The following BSND variants were observed in gnomAD, a reference collection of about 807,000 sequenced individuals.
BSND encodes barttin CLCNK type accessory subunit beta.
BSND carries 13 observed loss-of-function variants against 18.8 expected under a neutral mutation model. That is an observed-to-expected ratio of 0.69 (90% CI 0.45 to 1.10). The LOEUF is 1.10. BSND is among the 50% of genes least tolerant of loss of function. The probability of loss-of-function intolerance (pLI) is 0.00; values close to 1 mark genes in which losing one functional copy is unlikely to be tolerated. For synonymous variants in BSND, 170 were observed against 161.8 expected (o/e 1.05, Z -0.39); for missense variants, 379 against 416.7 (o/e 0.91, Z 0.79).
rs1392299426 is a variant in BSND at position 55,008,906 on chromosome 1, C to T, written c.*278C>T. On this transcript the variant is annotated 3_prime_UTR_variant, in exon 4 of 4. Transcript: ENST00000651561. The stretch of plus-strand genomic sequence containing the variant: ...AGCCCTCAAAAGCATTTTCCACCTT[C>T]CCCCAAAGCTGACCTCTGAGAGGAA... The T allele has an allele frequency of 5.9e-6, 3 of 511,616 alleles. No homozygotes were observed. The East Asian group carries it at 1.1e-4, about 19-fold the overall frequency. The allele number at this position is 511,616 out of a possible 1,614,324, so 31.7% of individuals were successfully genotyped here. A position where few individuals can be genotyped will look rare whatever the true frequency, so the allele number is the denominator to read the frequency against.
chr1:55,015,616 A>C lies in BSND; in HGVS notation c.*6988A>C, dbSNP rs917467735. ...GGGTAAGGAGGGCTAGATTTTATCT[A>C]GTCATGTGTTCATTCATTTGTTCAC... is the stretch of plus-strand genomic sequence containing the variant. On this transcript the variant is annotated 3_prime_UTR_variant, in exon 4 of 4. Transcript: ENST00000651561. Among the ~76,000 whole-genome samples, 1 of 152,226 alleles carries C rather than the reference A, an allele frequency of 6.6e-6. No homozygotes were observed. Among genetic ancestry groups the C allele is most frequent in the African/African-American group, 2.4e-5 (1 of 41,454 alleles).
In BSND at chr1:55,008,969, T is replaced by C. The variant is rs74706722; in HGVS notation, c.*341T>C. Reference sequence around the variant, plus strand: ...CTCCCTCTGGGCCCCTGATCCTTTGTGAAGGCCAGTCAGGTTTCCCATTCC... The same window carrying C: ...CTCCCTCTGGGCCCCTGATCCTTTGCGAAGGCCAGTCAGGTTTCCCATTCC... On this transcript the variant is annotated 3_prime_UTR_variant, in exon 4 of 4. Transcript: ENST00000651561. 0.016 allele frequency: 6,232 copies of C among 398,678 alleles called. 289 individuals carry two copies. The highest frequency in any genetic ancestry group is 0.1 in the South Asian group (4,654 of 45,210). The allele number at this position is 398,678 out of a possible 1,614,324, so 24.7% of individuals were successfully genotyped here.
chr1:55,014,144 A>G lies in BSND; in HGVS notation c.*5516A>G, dbSNP rs916940470. ...GGACAGGGGCCTCTTCCCCGCCAAT[A>G]CTTCTATCCCCAGGACTTAGCAAAA... is the stretch of plus-strand genomic sequence containing the variant. On this transcript the variant is annotated 3_prime_UTR_variant, in exon 4 of 4. Coordinates refer to ENST00000651561, the MANE Select transcript of BSND (RefSeq NM_057176.3). Among the ~76,000 whole-genome samples, 5 of 152,144 alleles carry G rather than the reference A, an allele frequency of 3.3e-5. No homozygotes were observed. The highest frequency in any genetic ancestry group is 1.2e-4 in the African/African-American group (5 of 41,424).
chr1:55,009,115 A>T lies in BSND; in HGVS notation c.*487A>T. ...CATCGCTCCTTGGCCAGGACCCAAA[A>T]CCTTCTGTGACTGACCCCTGCTGAC... On this transcript the variant is annotated 3_prime_UTR_variant, in exon 4 of 4. Transcript: ENST00000651561. 5.0e-6 allele frequency: 1 copy of T among 198,464 alleles called. No homozygotes were observed. Among genetic ancestry groups the T allele is most frequent in the Non-Finnish European group, 1.0e-5 (1 of 96,690 alleles). 12.3% of individuals were successfully genotyped at this position (198,464 alleles called of 1,614,324 possible).
intron 1 of BSND, among the ~76,000 whole-genome samples, chr1:55,000,008 T>C (rs1198368144): frequency 6.6e-6 from 1 of 152,132 alleles, no homozygotes; most frequent in African/African-American, 2.4e-5. Context: ...GGTTTGGGAG[T>C]CCTGAGTTCT....
At chr1:55,001,788 G>T (rs888012339) in intron 1 of BSND, among the ~76,000 whole-genome samples, 2 of 152,062 alleles carry the variant, frequency 1.3e-5, no homozygotes, top group Non-Finnish European at 2.9e-5. Context: ...TGAGATAAGA[G>T]TTCACCAAGC....
In BSND at chr1:55,007,076, C is replaced by T. The variant is rs1267623393; in HGVS notation, c.352C>T (p.Gln118Ter). Residue 118 changes from glutamine to a stop codon, truncating the protein, a stop_gained, in exon 3 of 4, where the codon CAG becomes TAG. Transcript: ENST00000651561. LOFTEE classifies it high-confidence loss of function. ...GAGCCTGCCTGACTTCAGCCACATC[C>T]AGATGAAAGTCATGAGCTACAGTGA... ...DQSLPDFSHI[Q>*]MKVMSYSEDH... 1.2e-6 allele frequency: 2 copies of T among 1,614,076 alleles called. No individual in the cohort carries two copies. The highest frequency in any genetic ancestry group is 2.7e-5 in the African/African-American group (2 of 74,914).
intron 2 of BSND, among the ~76,000 whole-genome samples, chr1:55,005,394 G>A (rs1644384277): frequency 6.6e-6 from 1 of 152,210 alleles, no homozygotes; most frequent in African/African-American, 2.4e-5. Context: ...ATCATACAAT[G>A]AAATAAATGT....
chr1:54,999,995 A>G (rs572748468), intron 1 of BSND, among the ~76,000 whole-genome samples: 2 of 152,146 alleles, frequency 1.3e-5, no homozygotes, highest in Admixed American at 1.3e-4. Context: ...TGGGAAGAGC[A>G]CTGGTTTGGG....
At position 55,003,780 on chromosome 1, in the gene BSND, C is replaced by T. The variant is rs565390849; in HGVS notation, c.178-1242C>T. On this transcript the variant is annotated intron_variant, in intron 1 of 3. Coordinates refer to ENST00000651561, the MANE Select transcript of BSND (RefSeq NM_057176.3). ...TGCTGGGGACCATGCTGAGGGATTC[C>T]CTATATATGATCTCATGAAATTTTC... Among the ~76,000 whole-genome samples, 24 of 152,210 alleles carry T rather than the reference C, an allele frequency of 1.6e-4. No homozygotes were observed. The East Asian group carries it at 4.4e-3, about 28-fold the overall frequency.
rs1644434493 is a variant in BSND at position 55,013,645 on chromosome 1, TA to T, written c.*5019del. Among the ~76,000 whole-genome samples, 1 of 152,080 alleles carries T rather than the reference TA, an allele frequency of 6.6e-6. No homozygotes were observed. Among genetic ancestry groups the T allele is most frequent in the Non-Finnish European group, 1.5e-5 (1 of 68,008 alleles). On this transcript the variant is annotated 3_prime_UTR_variant, in exon 4 of 4. Coordinates refer to ENST00000651561, the MANE Select transcript of BSND (RefSeq NM_057176.3). The stretch of plus-strand genomic sequence containing the variant: ...GGGACAGGAGAAAAATCAGTATCAA[TA>T]AGTCAGGCAGCAAGGTTCCACTGAG...
At position 54,999,274 on chromosome 1, in the gene BSND, C is replaced by G. The variant is rs762233340; in HGVS notation, c.88C>G (p.Arg30Gly). ...CGGTACGTTCCTCATGAGCCATGATCGGCCCCAGGTCTACGGCACCTTCTA... is the reference window on the plus strand; with the variant it reads ...CGGTACGTTCCTCATGAGCCATGATGGGCCCCAGGTCTACGGCACCTTCTA... ...ALGTFLMSHD[R>G]PQVYGTFYAM... The change falls in exon 1 of 4, where the codon CGG (arginine) becomes GGG (glycine). Residue 30 changes from arginine to glycine, a missense_variant. By Grantham distance (125) the Arg-to-Gly change is moderately radical (BLOSUM62 -2). Transcript: ENST00000651561. 2 of 1,613,984 alleles carry G rather than the reference C, an allele frequency of 1.2e-6. No homozygotes were observed. Among genetic ancestry groups the G allele is most frequent in the Middle Eastern group, 1.6e-4 (1 of 6,084 alleles).
At chr1:55,002,480 C>T (rs1236249230) in intron 1 of BSND, among the ~76,000 whole-genome samples, 1 of 152,224 alleles carries the variant, frequency 6.6e-6, no homozygotes, top group Non-Finnish European at 1.5e-5. Flanking sequence ...GACTGGTGGC[C>T]TCCCTCTCTC....
rs765579274 is a variant in BSND at position 55,007,011 on chromosome 1, C to T, written c.287C>T (p.Pro96Leu). 74 of 1,614,022 alleles carry T rather than the reference C, an allele frequency of 4.6e-5. No homozygotes were observed. The South Asian group carries it at 4.7e-4, about 10-fold the overall frequency. Residue 96 changes from proline to leucine, a missense_variant, in exon 3 of 4, where the codon CCG becomes CTG. By Grantham distance (98) the Pro-to-Leu change is moderately conservative. Transcript: ENST00000651561. ...TCCCACTCCAGCCCCAGTCCCCAGC[C>T]GCCCTATGTAAGGCTGTGGGAGGAA... is the stretch of plus-strand genomic sequence containing the variant. ...AAEMKSPSPQ[P>L]PYVRLWEEAA...
At chr1:55,001,849 A>T (rs1189552446) in intron 1 of BSND, among the ~76,000 whole-genome samples, 1 of 152,124 alleles carries the variant, frequency 6.6e-6, no homozygotes, top group Non-Finnish European at 1.5e-5. Flanking sequence ...TGATCAAAGC[A>T]ATGTGGTAAA....
chr1:55,007,892 A>G (rs914959051), intron 3 of BSND, among the ~76,000 whole-genome samples: 1 of 152,230 alleles, frequency 6.6e-6, no homozygotes, highest in African/African-American at 2.4e-5. Context: ...GGGACACCTC[A>G]GTGTAACTGG....
In BSND at chr1:55,015,484, C is replaced by T. The variant is rs956670408; in HGVS notation, c.*6856C>T. 6.6e-6 allele frequency among the ~76,000 whole-genome samples: 1 copy of T among 152,174 alleles called. No homozygotes were observed. Among genetic ancestry groups the T allele is most frequent in the African/African-American group, 2.4e-5 (1 of 41,424 alleles). ...AGTCCCCAGGTCAGAAAATGGGCCC[C>T]ACTGGTGATTCTGCAGATAGTCCCT... On this transcript the variant is annotated 3_prime_UTR_variant, in exon 4 of 4. Transcript: ENST00000651561.
At position 55,010,160 on chromosome 1, in the gene BSND, G is replaced by T. The variant is rs985855910; in HGVS notation, c.*1532G>T. 1 of 152,218 alleles carries T rather than the reference G, an allele frequency of 6.6e-6. No homozygotes were observed. Among genetic ancestry groups the T allele is most frequent in the African/African-American group, 2.4e-5 (1 of 41,436 alleles). The allele number at this position is 152,218 out of a possible 1,614,324, so 9.4% of individuals were successfully genotyped here. On this transcript the variant is annotated 3_prime_UTR_variant, in exon 4 of 4. Coordinates refer to ENST00000651561, the MANE Select transcript of BSND (RefSeq NM_057176.3). ...ACTGACACCGTGCTTGCCTTCAGAG[G>T]GCTCACAATCTAGTGAGCTTGATTT...
intron 1 of BSND, 77 bp from the exon 2 acceptor site, chr1:55,004,945 T>G: frequency 7.2e-7 from 1 of 1,381,586 alleles, no homozygotes; most frequent in Non-Finnish European, 1.0e-6. Flanking sequence ...CATGGAGAGG[T>G]TTGCCAATTC....
Sources: gnomAD v4.1 joint callset for allele counts (sites outside exome capture counted in the v4.1 genomes callset) on GRCh38, gnomAD v4.1.1 for gene constraint, MANE v1.5 for transcripts, NCBI Gene and HGNC (gene_info 2026-07-23, HGNC 2026-07-21) for gene names.